Variants in OXCT1 observed in about 807,000 individuals in gnomAD.
OXCT1 encodes succinyl-CoA:3-ketoacid coenzyme A transferase 1, mitochondrial.
OXCT1 carries 27 observed loss-of-function variants against 69.6 expected under a neutral mutation model. That is an observed-to-expected ratio of 0.39 (90% CI 0.29 to 0.54). OXCT1 has a LOEUF of 0.54. Among genes scored for constraint, OXCT1 ranks in the 20% least tolerant of loss-of-function variants. OXCT1 has a pLI of 0.72. For missense variants in OXCT1, 437 were observed against 650.2 expected, an observed-to-expected ratio of 0.67 and a Z score of 3.57; for synonymous variants, 202 against 217.8, an observed-to-expected ratio of 0.93 and a Z score of 0.64.
At chr5:41,810,847 C>A (rs941161435) in intron 7 of OXCT1, among the ~76,000 whole-genome samples, 3 of 151,848 alleles carry the variant, frequency 2.0e-5, no homozygotes, top group African/African-American at 7.3e-5. Context: ...GGACCCAACC[C>A]TAAATGGTGT....
intron 16 of OXCT1, among the ~76,000 whole-genome samples, chr5:41,738,578 A>C (rs1743005085): frequency 6.6e-6 from 1 of 152,158 alleles, no homozygotes; most frequent in African/African-American, 2.4e-5. Context: ...TTTTCTCTAT[A>C]AACTACCCAA....
chr5:41,838,433 C>T (rs189280163), intron 7 of OXCT1, among the ~76,000 whole-genome samples: 27 of 152,174 alleles, frequency 1.8e-4, no homozygotes, highest in Admixed American at 1.5e-3. Flanking sequence ...ATCCTATAGT[C>T]CAAAGAGCTG....
intron 7 of OXCT1, among the ~76,000 whole-genome samples, chr5:41,823,702 T>A (rs1003041008): frequency 6.6e-6 from 1 of 152,244 alleles, no homozygotes; most frequent in Non-Finnish European, 1.5e-5. Context: ...GGCCTGAAAT[T>A]GGAAGTGGCT....
At chr5:41,753,644 T>C (rs1743920811) in intron 14 of OXCT1, among the ~76,000 whole-genome samples, 1 of 152,094 alleles carries the variant, frequency 6.6e-6, no homozygotes, top group South Asian at 2.1e-4. Flanking sequence ...GTGGCCCTCC[T>C]AGGTGCTCCT....
chr5:41,858,050 A>G (rs1179787236), intron 3 of OXCT1, among the ~76,000 whole-genome samples: 1 of 152,148 alleles, frequency 6.6e-6, no homozygotes, highest in Non-Finnish European at 1.5e-5. Flanking sequence ...CTCTATTTGG[A>G]GATCACATCT....
Position 41,867,873 on chromosome 5 carries a change from G to C in OXCT1, c.78+2408C>G, listed in dbSNP as rs116640885. 4.8e-3 allele frequency among the ~76,000 whole-genome samples: 729 copies of C among 152,258 alleles called. 3 individuals are homozygous for C. The highest frequency in any genetic ancestry group is 0.013 in the African/African-American group (553 of 41,538). ...TTCTATAGTGAAAATAGTATTAAAT[G>C]CTCCCCACTGCCCCTCAGTAATAAT... On this transcript the variant is annotated intron_variant, in intron 1 of 16. Coordinates refer to ENST00000196371, the MANE Select transcript of OXCT1 (RefSeq NM_000436.4).
intron 16 of OXCT1, among the ~76,000 whole-genome samples, chr5:41,737,287 G>T (rs910119817): frequency 6.6e-6 from 1 of 152,182 alleles, no homozygotes; most frequent in Non-Finnish European, 1.5e-5. Context: ...TACTGAAATT[G>T]AGAGGGTCTA....
chr5:41,753,797 T>C (rs1743929882), intron 14 of OXCT1, among the ~76,000 whole-genome samples: 1 of 152,078 alleles, frequency 6.6e-6, no homozygotes, highest in African/African-American at 2.4e-5. Flanking sequence ...AAAGGCTGCA[T>C]TTCTGATTCA....
rs138363255 is a variant in OXCT1, at chr5:41,840,487, C to T, written c.696G>A (p.Leu232=). ...IFRKSARNFN[L]PMCKAAETTV... The stretch of plus-strand genomic sequence containing the variant: ...TGGTTTCTGCAGCTTTGCACATTGG[C>T]AAGTTGAAATTCCTTGCACTTTTCC... The change falls in exon 7 of 17, where the codon TTG becomes TTA. Residue 232 remains leucine (L), a synonymous_variant. Coordinates refer to ENST00000196371, the MANE Select transcript of OXCT1 (RefSeq NM_000436.4). 704 of 1,613,254 alleles carry T rather than the reference C, an allele frequency of 4.4e-4. 3 individuals are homozygous for T. The African/African-American group carries it at 8.2e-3, about 19-fold the overall frequency.
Position 41,825,610 on chromosome 5 carries a change from G to A in OXCT1, c.732+14841C>T, listed in dbSNP as rs76759925. Among the ~76,000 whole-genome samples the A allele has an allele frequency of 2.4e-4, 37 of 152,286 alleles. 1 individual carries two copies. In the East Asian group the frequency reaches 6.9e-3, roughly 29 times the overall value. ...TGTTCAGGGAGTTGTATGCCCACAG[G>A]TGAACAGAAAGCATCAGTATCTGAG... On this transcript the variant is annotated intron_variant, in intron 7 of 16. Transcript: ENST00000196371.
At chr5:41,795,057 A>G (rs1342800199) in intron 11 of OXCT1, among the ~76,000 whole-genome samples, 2 of 152,054 alleles carry the variant, frequency 1.3e-5, no homozygotes, top group Non-Finnish European at 2.9e-5. Flanking sequence ...ATGGAAGACA[A>G]TTTTTCCACA....
At position 41,807,400 on chromosome 5, in the gene OXCT1, T is replaced by A; in HGVS notation, c.771A>T (p.Glu257Asp). 1.9e-6 allele frequency: 3 copies of A among 1,607,814 alleles called. No individual in the cohort carries two copies. Among genetic ancestry groups the A allele is most frequent in the Non-Finnish European group, 2.6e-6 (3 of 1,174,816 alleles). ...CATAAATCTGAGGAATATGGATGTC[T>A]TCTGGAGCAAATGCTCCAATATCCA... The part of the protein sequence containing the change: ...EIVDIGAFAP[E>D]DIHIPQIYVH... The change falls in exon 8 of 17, where the codon GAA (glutamate) becomes GAT (aspartate). Residue 257 changes from glutamate to aspartate, a missense_variant. Physicochemically the swap from Glu to Asp is conservative, Grantham distance 45. Coordinates refer to ENST00000196371, the MANE Select transcript of OXCT1 (RefSeq NM_000436.4).
At chr5:41,764,642 T>A (rs1744509898) in intron 13 of OXCT1, among the ~76,000 whole-genome samples, 1 of 152,194 alleles carries the variant, frequency 6.6e-6, no homozygotes, top group Non-Finnish European at 1.5e-5. Context: ...TATGTAATGC[T>A]ATCACAGTGA....
chr5:41,843,117 C>T (rs1483454902), intron 5 of OXCT1, among the ~76,000 whole-genome samples: 1 of 152,108 alleles, frequency 6.6e-6, no homozygotes, highest in African/African-American at 2.4e-5. Context: ...AAAAATAGTC[C>T]TTCTTTCCCT....
chr5:41,739,661 C>T (rs1743062105), intron 15 of OXCT1, 170 bp from the exon 16 acceptor site: 5 of 577,298 alleles, frequency 8.7e-6, no homozygotes, highest in East Asian at 3.4e-5. Context: ...GTCAGGAGAT[C>T]GAGACCATCC....
intron 13 of OXCT1, among the ~76,000 whole-genome samples, chr5:41,779,578 A>G (rs1426041325): frequency 1.3e-5 from 2 of 152,180 alleles, no homozygotes; most frequent in Non-Finnish European, 2.9e-5. Flanking sequence ...AGGTCTTTAA[A>G]ATTCTATGCT....
At chr5:41,745,627 G>T (rs1743442696) in intron 15 of OXCT1, among the ~76,000 whole-genome samples, 1 of 152,100 alleles carries the variant, frequency 6.6e-6, no homozygotes, top group South Asian at 2.1e-4. Context: ...TTTTTGAAAA[G>T]ATCAACAAAA....
chr5:41,791,100 G>A (rs1418021498), intron 13 of OXCT1, among the ~76,000 whole-genome samples: 1 of 152,098 alleles, frequency 6.6e-6, no homozygotes, highest in African/African-American at 2.4e-5. Context: ...TAAGGGGTAG[G>A]GCTGAAATTA....
chr5:41,818,377 G>A (rs1034755945), intron 7 of OXCT1, among the ~76,000 whole-genome samples: 1 of 152,122 alleles, frequency 6.6e-6, no homozygotes, highest in African/African-American at 2.4e-5. Context: ...CTTGTCAAAG[G>A]ACCTAGGGTA....
Sources: gnomAD v4.1 joint callset for allele counts (sites outside exome capture counted in the v4.1 genomes callset) on GRCh38, gnomAD v4.1.1 for gene constraint, MANE v1.5 for transcripts, NCBI Gene and HGNC (gene_info 2026-07-23, HGNC 2026-07-21) for gene names.